Variants in SCML4 observed in about 807,000 individuals in gnomAD.
The protein encoded by SCML4 is sex comb on midleg-like protein 4.
A neutral mutation model predicts 41.1 loss-of-function variants in SCML4; 34 were observed. That is an observed-to-expected ratio of 0.83 (90% CI 0.63 to 1.10). The LOEUF is 1.10. SCML4 is among the 50% of genes least tolerant of loss of function. The probability of loss-of-function intolerance (pLI) is 0.00; values close to 1 mark genes in which losing one functional copy is unlikely to be tolerated. For synonymous variants in SCML4, 214 were observed against 220.9 expected (o/e 0.97, Z 0.28); for missense variants, 522 against 534.1 (o/e 0.98, Z 0.22).
Position 107,702,227 on chromosome 6 carries a change from C to T in SCML4, c.*2973G>A, listed in dbSNP as rs1046739869. Among the ~76,000 whole-genome samples, 1 of 152,198 alleles carries T rather than the reference C, an allele frequency of 6.6e-6. No homozygotes were observed. The highest frequency in any genetic ancestry group is 1.5e-5 in the Non-Finnish European group (1 of 68,028). ...AAAAGTCAAACCTTAAATATCATGG[C>T]TTCAGCAATCTGTCCTGCTTAAAGT... On this transcript the variant is annotated 3_prime_UTR_variant, in exon 8 of 8. Coordinates refer to ENST00000369020, the MANE Select transcript of SCML4 (RefSeq NM_198081.5).
At chr6:107,800,230 CA>C (rs1409177119) in intron 1 of SCML4, among the ~76,000 whole-genome samples, 2 of 152,154 alleles carry the variant, frequency 1.3e-5, no homozygotes, top group Non-Finnish European at 2.9e-5. Context: ...TCTAATTAAA[CA>C]AAAATTAAAC....
At chr6:107,817,316 T>C (rs185336095) in intron 1 of SCML4, among the ~76,000 whole-genome samples, 102 of 152,228 alleles carry the variant, frequency 6.7e-4, no homozygotes, top group African/African-American at 2.3e-3. Context: ...GACAAACCTT[T>C]CTGAATGTAC....
intron 1 of SCML4, among the ~76,000 whole-genome samples, chr6:107,779,442 G>A (rs999858689): frequency 6.6e-6 from 1 of 152,160 alleles, no homozygotes; most frequent in Non-Finnish European, 1.5e-5. Flanking sequence ...TGATGATGCA[G>A]GGATGTTTGG....
chr6:107,792,141 C>T (rs1401172), intron 1 of SCML4, among the ~76,000 whole-genome samples: 150,656 of 152,334 alleles, frequency 0.99, 74,520 homozygotes, highest in Middle Eastern at 1. Flanking sequence ...GATAGGAACA[C>T]GTGAGCAGAA....
At chr6:107,810,775 G>A (rs1012640104) in intron 1 of SCML4, among the ~76,000 whole-genome samples, 5 of 152,118 alleles carry the variant, frequency 3.3e-5, no homozygotes, top group South Asian at 2.1e-4. Context: ...TATTGAAGTC[G>A]TAACTCCCAA....
intron 6 of SCML4, among the ~76,000 whole-genome samples, chr6:107,713,301 A>C (rs1583378292): frequency 6.6e-6 from 1 of 152,034 alleles, no homozygotes; most frequent in Admixed American, 6.6e-5. Context: ...GGAGTCAGAA[A>C]CCCCTGCCAC....
chr6:107,810,392 A>G (rs1417814054), intron 1 of SCML4, among the ~76,000 whole-genome samples: 1 of 152,152 alleles, frequency 6.6e-6, no homozygotes, highest in Non-Finnish European at 1.5e-5. Context: ...CGCTTGGGAT[A>G]TACTTTGTGA....
At chr6:107,838,432 C>T in the SCML4 span, among the ~76,000 whole-genome samples, 722 of 152,306 alleles carry the variant, frequency 4.7e-3, 4 homozygotes, top group African/African-American at 0.017. Flanking sequence ...GGAACTTGAG[C>T]CGCATTGACA....
At chr6:107,716,554 TG>T (rs556175916) in intron 6 of SCML4, among the ~76,000 whole-genome samples, 97 of 152,144 alleles carry the variant, frequency 6.4e-4, no homozygotes, top group African/African-American at 2.3e-3. Flanking sequence ...GCCAGGGCTG[TG>T]GGGGGTTCAA....
intron 1 of SCML4, among the ~76,000 whole-genome samples, chr6:107,823,456 T>G (rs1245770968): frequency 6.6e-6 from 1 of 152,220 alleles, no homozygotes; most frequent in African/African-American, 2.4e-5. Context: ...GAGGTGATTT[T>G]GAGCTTGGGA....
chr6:107,712,878 T>A (rs925315905), intron 6 of SCML4, among the ~76,000 whole-genome samples: 1 of 152,128 alleles, frequency 6.6e-6, no homozygotes, highest in African/African-American at 2.4e-5. Context: ...CAGTAAGACA[T>A]GATGGATGTG....
chr6:107,709,288 G>C (rs538286665), intron 6 of SCML4, among the ~76,000 whole-genome samples: 2 of 152,292 alleles, frequency 1.3e-5, no homozygotes, highest in South Asian at 4.1e-4. Context: ...TGGTGCCAGA[G>C]AGACCTAGGG....
intron 2 of SCML4, among the ~76,000 whole-genome samples, chr6:107,751,206 G>A (rs1000212740): frequency 5.9e-5 from 9 of 152,210 alleles, no homozygotes; most frequent in Non-Finnish European, 1.2e-4. Flanking sequence ...AAAAGCTGAT[G>A]ATGAAAATAA....
Position 107,707,937 on chromosome 6 carries a change from C to G in SCML4, c.1048G>C (p.Asp350His). ...SRNPSAWTVE[D>H]VVWFVKDADP... ...GCGTCCTTCACAAACCACACCACGT[C>G]CTCCACAGTCCAGGCGGAGGGGTTC... Residue 350 changes from aspartate (D) to histidine (H), a missense_variant, in exon 7 of 8, where the codon GAC becomes CAC. Transcript: ENST00000369020. 6.4e-7 allele frequency: 1 copy of G among 1,551,680 alleles called. No individual in the cohort carries two copies. The highest frequency in any genetic ancestry group is 8.7e-7 in the Non-Finnish European group (1 of 1,146,988).
chr6:107,715,266 C>A (rs1774659320), intron 6 of SCML4, among the ~76,000 whole-genome samples: 1 of 138,174 alleles, frequency 7.2e-6, no homozygotes, highest in Non-Finnish European at 1.5e-5. Context: ...TGAGCCACTG[C>A]GTCTGGCCCC....
At chr6:107,769,379 C>T (rs974650905) in intron 2 of SCML4, among the ~76,000 whole-genome samples, 1 of 152,194 alleles carries the variant, frequency 6.6e-6, no homozygotes, top group Non-Finnish European at 1.5e-5. Context: ...TCATGTTATC[C>T]TCAGGAAGCA....
the SCML4 span, among the ~76,000 whole-genome samples, chr6:107,839,704 G>T: frequency 4.6e-5 from 7 of 152,144 alleles, no homozygotes; most frequent in East Asian, 1.2e-3. Context: ...GAAAACCATT[G>T]GTTCTCTACC....
the SCML4 span, among the ~76,000 whole-genome samples, chr6:107,834,661 T>C: frequency 1.3e-5 from 2 of 152,154 alleles, no homozygotes; most frequent in Non-Finnish European, 2.9e-5. Context: ...AAAAAGAATT[T>C]GGAGCCAGGC....
intron 5 of SCML4, among the ~76,000 whole-genome samples, chr6:107,731,117 G>C (rs1776495975): frequency 6.6e-6 from 1 of 152,140 alleles, no homozygotes; most frequent in Non-Finnish European, 1.5e-5. Flanking sequence ...AAGAGGAAGA[G>C]GTGCAGGAGA....
Sources: gnomAD v4.1 joint callset for allele counts (sites outside exome capture counted in the v4.1 genomes callset) on GRCh38, gnomAD v4.1.1 for gene constraint, MANE v1.5 for transcripts, NCBI Gene and HGNC (gene_info 2026-07-23, HGNC 2026-07-21) for gene names.